MALRD1: variants seen among roughly 807,000 people sequenced by gnomAD.
MALRD1 encodes the protein MAM and LDL receptor class A domain containing 1.
Under a neutral mutation model 242.1 loss-of-function variants are expected in MALRD1, and 247 were observed. The observed-to-expected ratio is 1.02, with a 90% CI of 0.92 to 1.13. MALRD1 has a LOEUF of 1.13. MALRD1 is among the 50% of genes most tolerant of loss of function. The pLI, the probability that MALRD1 is intolerant of heterozygous loss-of-function variation, is 0.00. For synonymous variants in MALRD1, 995 were observed against 866.6 expected, an observed-to-expected ratio of 1.15 and a Z score of -2.60; for missense variants, 2,989 against 2,533.1, an observed-to-expected ratio of 1.18 and a Z score of -3.86.
intron 38 of MALRD1, among the ~76,000 whole-genome samples, chr10:19,695,058 A>C (rs1336288419): frequency 1.3e-5 from 2 of 152,028 alleles, no homozygotes; most frequent in African/African-American, 2.4e-5. Flanking sequence ...GACATCACAC[A>C]CCGGGGCCTG....
rs34172508 is a variant in MALRD1, at chr10:19,119,836, C to G, written c.695-3656C>G. ...TTTAAACTATAAACTAAGTTCCTCC[C>G]AAAGTTAGTCCAGTCTCCACCCAGG... On this transcript the variant is annotated intron_variant, in intron 5 of 39. Transcript: ENST00000454679. 8.7e-3 allele frequency among the ~76,000 whole-genome samples: 1,329 copies of G among 152,246 alleles called. 9 individuals are homozygous for G. The highest frequency in any genetic ancestry group is 0.013 in the Non-Finnish European group (914 of 68,008).
chr10:19,635,803 A>C (rs1840102541), intron 36 of MALRD1, among the ~76,000 whole-genome samples: 1 of 152,202 alleles, frequency 6.6e-6, no homozygotes, highest in Non-Finnish European at 1.5e-5. Context: ...CAAAACATAC[A>C]CTGAAATAAA....
chr10:19,605,148 TA>T (rs1250494444), intron 34 of MALRD1, among the ~76,000 whole-genome samples: 2 of 137,698 alleles, frequency 1.5e-5, no homozygotes, highest in African/African-American at 5.7e-5. Context: ...CAGATTTATT[TA>T]TTTTTTTATT....
chr10:19,682,614 A>G (rs1414373423), intron 36 of MALRD1, among the ~76,000 whole-genome samples: 1 of 152,202 alleles, frequency 6.6e-6, no homozygotes, highest in African/African-American at 2.4e-5. Context: ...AATTAGTCCA[A>G]GCAAATTAAT....
At chr10:19,085,130 G>GTT (rs752691870) in intron 2 of MALRD1, among the ~76,000 whole-genome samples, 3 of 151,980 alleles carry the variant, frequency 2.0e-5, no homozygotes, top group Non-Finnish European at 4.4e-5. Flanking sequence ...AAACTTTGTT[G>GTT]TTCAAGAGCT....
In MALRD1 at chr10:19,204,294, T is replaced by A; in HGVS notation, c.2105-14T>A. The A allele has an allele frequency of 1.3e-6, 2 of 1,496,268 alleles. No individual in the cohort carries two copies. The highest frequency in any genetic ancestry group is 2.5e-5 in the Admixed American group (1 of 39,756). The allele number at this position is 1,496,268 out of a possible 1,614,324, so 92.7% of individuals were successfully genotyped here. A position where few individuals can be genotyped will look rare whatever the true frequency, so the allele number is the denominator to read the frequency against. On this transcript the variant is annotated splice_polypyrimidine_tract_variant and intron_variant, in intron 15 of 39. Coordinates refer to ENST00000454679, the MANE Select transcript of MALRD1 (RefSeq NM_001142308.3). ...GGTTAATGAAGCGTTTTTTTTTTTT[T>A]TTTATCTCAACAGGGCATTTTATGT...
chr10:19,285,464 T>C lies in MALRD1; in HGVS notation c.3419+2283T>C, dbSNP rs929758935. On this transcript the variant is annotated intron_variant, in intron 21 of 39. Transcript: ENST00000454679. ...AGGAAGGGATCCAGTTTCAGCTTTCTACATATGGCTAGCCAGTTTTCCCAG... is the reference window on the plus strand; with the variant it reads ...AGGAAGGGATCCAGTTTCAGCTTTCCACATATGGCTAGCCAGTTTTCCCAG... Among the ~76,000 whole-genome samples, 104 of 151,786 alleles carry C rather than the reference T, an allele frequency of 6.9e-4. 1 individual carries two copies. The highest frequency in any genetic ancestry group is 2.5e-3 in the African/African-American group (101 of 41,170).
At chr10:19,321,990 G>A (rs1261489355) in intron 21 of MALRD1, among the ~76,000 whole-genome samples, 1 of 152,008 alleles carries the variant, frequency 6.6e-6, no homozygotes, top group Non-Finnish European at 1.5e-5. Flanking sequence ...TTAATGAGGT[G>A]GTAGCATTAA....
intron 21 of MALRD1, among the ~76,000 whole-genome samples, chr10:19,300,471 A>G (rs1048384463): frequency 2.0e-5 from 3 of 151,994 alleles, no homozygotes; most frequent in Non-Finnish European, 4.4e-5. Flanking sequence ...TTACAAAGCT[A>G]CAGTAACTAA....
At chr10:19,693,891 G>A (rs1056150296) in intron 38 of MALRD1, among the ~76,000 whole-genome samples, 17 of 152,218 alleles carry the variant, frequency 1.1e-4, no homozygotes, top group Admixed American at 2.0e-4. Context: ...TAGACGAATG[G>A]AACAGAACAG....
intron 21 of MALRD1, among the ~76,000 whole-genome samples, chr10:19,312,000 T>G (rs1334191128): frequency 6.6e-6 from 1 of 151,438 alleles, no homozygotes; most frequent in African/African-American, 2.4e-5. Flanking sequence ...AGATTGGCCT[T>G]TCCATCACAG....
intron 18 of MALRD1, among the ~76,000 whole-genome samples, chr10:19,213,349 T>TCAGC (rs888914132): frequency 2.6e-5 from 4 of 152,234 alleles, no homozygotes; most frequent in African/African-American, 9.6e-5. Context: ...TAATGTGCTA[T>TCAGC]CAGCCTACCA....
At chr10:19,218,912 G>T (rs989776346) in intron 18 of MALRD1, among the ~76,000 whole-genome samples, 1 of 151,898 alleles carries the variant, frequency 6.6e-6, no homozygotes, top group African/African-American at 2.4e-5. Context: ...CAGCTTGAAG[G>T]CTAATAATTC....
intron 20 of MALRD1, among the ~76,000 whole-genome samples, chr10:19,281,954 C>T (rs576923964): frequency 1.1e-4 from 12 of 113,810 alleles, no homozygotes; most frequent in African/African-American, 2.7e-4. Context: ...CAAAGTGAGA[C>T]GATGTCTCCA....
intron 28 of MALRD1, among the ~76,000 whole-genome samples, chr10:19,410,943 G>A (rs879573307): frequency 3.2e-4 from 49 of 151,892 alleles, no homozygotes; most frequent in Non-Finnish European, 6.0e-4. Context: ...ATGACCATGT[G>A]GATTTTTTCC....
intron 31 of MALRD1, among the ~76,000 whole-genome samples, chr10:19,522,430 C>T (rs1204331328): frequency 6.6e-6 from 1 of 152,048 alleles, no homozygotes; most frequent in Non-Finnish European, 1.5e-5. Flanking sequence ...TTTGTTATAG[C>T]TGTAGGTGTC....
chr10:19,141,943 C>T (rs963666906), intron 10 of MALRD1, among the ~76,000 whole-genome samples: 3 of 151,658 alleles, frequency 2.0e-5, no homozygotes, highest in East Asian at 1.9e-4. Flanking sequence ...GAGGCCGAGG[C>T]GGGTGGATCA....
chr10:19,467,372 A>G (rs12779276), intron 29 of MALRD1, among the ~76,000 whole-genome samples: 73,286 of 105,980 alleles, frequency 0.69, 23,828 homozygotes, highest in East Asian at 0.8. Context: ...CAGCCTGGGC[A>G]ACACAGCGAG....
At chr10:19,518,082 A>T (rs1833718272) in intron 31 of MALRD1, among the ~76,000 whole-genome samples, 1 of 152,236 alleles carries the variant, frequency 6.6e-6, no homozygotes, top group Non-Finnish European at 1.5e-5. Flanking sequence ...ACTGCTAGGC[A>T]TCTGCCTTAT....
Sources: gnomAD v4.1 joint callset for allele counts (sites outside exome capture counted in the v4.1 genomes callset) on GRCh38, gnomAD v4.1.1 for gene constraint, MANE v1.5 for transcripts, NCBI Gene and HGNC (gene_info 2026-07-23, HGNC 2026-07-21) for gene names.